The following FAAH2 variants were observed in gnomAD, a reference collection of about 807,000 sequenced individuals.
The protein encoded by FAAH2 is fatty-acid amide hydrolase 2.
FAAH2 carries 60 observed loss-of-function variants against 36.9 expected under a neutral mutation model. The ratio of observed to expected loss-of-function variants is 1.63; its 90% confidence interval spans 1.32 to 2.02. The LOEUF (loss-of-function observed/expected upper bound fraction) is 2.02. Among genes scored for constraint, FAAH2 ranks in the 30% most tolerant of loss-of-function variants. The probability of loss-of-function intolerance (pLI) is 0.00; values close to 1 mark genes in which losing one functional copy is unlikely to be tolerated. For synonymous variants in FAAH2, 214 were observed against 143.8 expected, an observed-to-expected ratio of 1.49 and a Z score of -3.49; for missense variants, 689 against 397.5, an observed-to-expected ratio of 1.73 and a Z score of -6.23.
the FAAH2 span, among the ~76,000 whole-genome samples, chrX:57,211,688 C>T: frequency 8.9e-6 from 1 of 111,914 alleles, no homozygotes; most frequent in Non-Finnish European, 1.9e-5. Flanking sequence ...ACAAGCTTTG[C>T]ATGACCACTA....
the FAAH2 span, among the ~76,000 whole-genome samples, chrX:57,279,880 C>A: frequency 9.0e-6 from 1 of 111,632 alleles, no homozygotes; most frequent in Non-Finnish European, 1.9e-5. Context: ...TCACAGCCAA[C>A]ATCATACTGA....
At chrX:57,201,201 A>G in the FAAH2 span, among the ~76,000 whole-genome samples, 1 of 110,525 alleles carries the variant, frequency 9.0e-6, no homozygotes, top group African/African-American at 3.3e-5. Context: ...GGAGTGTGGA[A>G]CACAAGGTCA....
intron 7 of FAAH2, among the ~76,000 whole-genome samples, chrX:57,396,921 G>A (rs1047086705): frequency 2.7e-5 from 3 of 111,520 alleles, no homozygotes; most frequent in Admixed American, 9.5e-5. Flanking sequence ...GTCTAGTATT[G>A]TCAGTGAGTT....
chrX:57,216,991 G>T, the FAAH2 span, among the ~76,000 whole-genome samples: 7 of 110,038 alleles, frequency 6.4e-5, no homozygotes, highest in African/African-American at 2.3e-4. Flanking sequence ...AGGTGGTATC[G>T]CATTGTGGTT....
At chrX:57,325,826 GTC>G (rs2053199091) in intron 3 of FAAH2, among the ~76,000 whole-genome samples, 1 of 33,731 alleles carries the variant, frequency 3.0e-5, no homozygotes, top group Middle Eastern at 9.7e-3. Context: ...GGTTTTTTGT[GTC>G]TCTATTTCCT....
intron 10 of FAAH2, among the ~76,000 whole-genome samples, chrX:57,475,723 T>C (rs2057254951): frequency 8.9e-6 from 1 of 112,295 alleles, no homozygotes; most frequent in Middle Eastern, 4.6e-3. Flanking sequence ...TTTTTAATTC[T>C]GTGAAGAAAG....
chrX:57,393,367 G>A (rs1441539748), intron 7 of FAAH2: 34 of 736,196 alleles, frequency 4.6e-5, no homozygotes, highest in Middle Eastern at 2.9e-4. Context: ...GCACCACCAC[G>A]TGAGGGTGGA....
intron 7 of FAAH2, among the ~76,000 whole-genome samples, chrX:57,395,782 A>G (rs1459296002): frequency 8.9e-6 from 1 of 112,096 alleles, no homozygotes; most frequent in Admixed American, 9.5e-5. Context: ...ATGCATCAGT[A>G]TGCACCAGGT....
chrX:57,134,459 G>A, the FAAH2 span: 3 of 111,047 alleles, frequency 2.7e-5, no homozygotes, highest in Non-Finnish European at 5.7e-5. Flanking sequence ...TTAGTGGATC[G>A]TTGGTCGGAG....
intron 3 of FAAH2, among the ~76,000 whole-genome samples, chrX:57,321,108 C>G (rs1311081555): frequency 9.3e-6 from 1 of 107,841 alleles, no homozygotes; most frequent in Admixed American, 1.0e-4. Flanking sequence ...CCACTGCACT[C>G]CAGCCTGGGT....
intron 8 of FAAH2, among the ~76,000 whole-genome samples, chrX:57,441,815 T>C (rs1480469703): frequency 9.0e-6 from 1 of 111,650 alleles, no homozygotes; most frequent in African/African-American, 3.3e-5. Context: ...TGTGTCTTTG[T>C]TCTCATTGGT....
intron 10 of FAAH2, among the ~76,000 whole-genome samples, chrX:57,482,588 C>G (rs1275223939): frequency 9.1e-6 from 1 of 110,021 alleles, no homozygotes; most frequent in East Asian, 2.9e-4. Flanking sequence ...TAACCAGTCC[C>G]TACGAGATGA....
chrX:57,289,519 T>C (rs2051915336), intron 1 of FAAH2, among the ~76,000 whole-genome samples: 1 of 110,992 alleles, frequency 9.0e-6, no homozygotes. Context: ...TTTGAAACCG[T>C]AAGTCCCACC....
At chrX:57,185,515 T>C in the FAAH2 span, among the ~76,000 whole-genome samples, 2 of 109,505 alleles carry the variant, frequency 1.8e-5, no homozygotes, top group Admixed American at 9.8e-5. Context: ...TGTGTGTGTG[T>C]GTGTGTGTGT....
intron 2 of FAAH2, among the ~76,000 whole-genome samples, chrX:57,308,199 G>A (rs905171478): frequency 8.9e-6 from 1 of 111,761 alleles, no homozygotes; most frequent in Admixed American, 9.5e-5. Context: ...TTTGTTTTAA[G>A]TTATTTGAGA....
chrX:57,292,017 C>A (rs1033145791), intron 1 of FAAH2, among the ~76,000 whole-genome samples: 5 of 111,147 alleles, frequency 4.5e-5, no homozygotes, highest in Non-Finnish European at 9.5e-5. Context: ...ATTTGAAATT[C>A]AAATTTAACT....
At chrX:57,235,726 T>C in the FAAH2 span, among the ~76,000 whole-genome samples, 4 of 112,305 alleles carry the variant, frequency 3.6e-5, no homozygotes, top group Non-Finnish European at 7.5e-5. Flanking sequence ...AATTGGCATG[T>C]AATCGTTGTC....
At chrX:57,233,427 A>G in the FAAH2 span, among the ~76,000 whole-genome samples, 4 of 111,908 alleles carry the variant, frequency 3.6e-5, no homozygotes, top group East Asian at 1.1e-3. Context: ...CTAATACAGA[A>G]TCAAACTATT....
At chrX:57,252,854 T>C in the FAAH2 span, among the ~76,000 whole-genome samples, 1 of 112,105 alleles carries the variant, frequency 8.9e-6, no homozygotes, top group African/African-American at 3.2e-5. Context: ...GAATGCCTCC[T>C]CTCCTCCAAA....
Sources: allele counts gnomAD v4.1 joint callset (sites outside exome capture counted in the v4.1 genomes callset), GRCh38; gene constraint gnomAD v4.1.1; transcripts MANE v1.5; gene names NCBI Gene and HGNC (gene_info 2026-07-23, HGNC 2026-07-21).